The following PCDHGB6 variants were observed in gnomAD, a reference collection of about 807,000 sequenced individuals.
The protein encoded by PCDHGB6 is protocadherin gamma subfamily B, 6.
Under a neutral mutation model 59.1 loss-of-function variants are expected in PCDHGB6, and 51 were observed. The observed-to-expected ratio is 0.86, with a 90% CI of 0.69 to 1.09. The LOEUF is 1.09. Among genes scored for constraint, PCDHGB6 ranks in the 50% least tolerant of loss-of-function variants. PCDHGB6 has a pLI of 0.00. For missense variants in PCDHGB6, 1,148 were observed against 1,205.1 expected, an observed-to-expected ratio of 0.95 and a Z score of 0.70; for synonymous variants, 466 against 495.1, an observed-to-expected ratio of 0.94 and a Z score of 0.78.
chr5:141,422,833 C>T, intron 1 of PCDHGB6: 2 of 1,614,224 alleles, frequency 1.2e-6, no homozygotes, highest in East Asian at 2.2e-5. Context: ...AGTGATAGCA[C>T]GTGACAGCGG....
At chr5:141,417,950 GAGCCGATCCGCT>G (rs1361985861) in intron 1 of PCDHGB6, 1 of 1,613,484 alleles carries the variant, frequency 6.2e-7, no homozygotes, top group African/African-American at 1.3e-5. Context: ...CACGCTGTGT[GAGCCGATCCGCT>G]ACTCGATTCC....
Position 141,423,691 on chromosome 5 carries a change from T to C in PCDHGB6, c.2418+13071T>C. On this transcript the variant is annotated intron_variant, in intron 1 of 3. Coordinates refer to ENST00000520790, the MANE Select transcript of PCDHGB6 (RefSeq NM_018926.3). Reference sequence around the variant, plus strand: ...ATTTATTTCTCTGCCTCCTAATTGTTGGTGTCTTGGCACAAGTCTTTTAAG... The same window carrying C: ...ATTTATTTCTCTGCCTCCTAATTGTCGGTGTCTTGGCACAAGTCTTTTAAG... 5 of 1,506,830 alleles carry C rather than the reference T, an allele frequency of 3.3e-6. No individual in the cohort carries two copies. The South Asian group carries it at 6.9e-5, about 21-fold the overall frequency. 93.3% of individuals were successfully genotyped at this position (1,506,830 alleles called of 1,614,324 possible).
intron 1 of PCDHGB6, among the ~76,000 whole-genome samples, chr5:141,483,459 G>A (rs1214951485): frequency 6.6e-6 from 1 of 152,186 alleles, no homozygotes; most frequent in Non-Finnish European, 1.5e-5. Flanking sequence ...AGGACTTGTT[G>A]ATTGACATGA....
chr5:141,419,274 C>T lies in PCDHGB6; in HGVS notation c.2418+8654C>T, dbSNP rs755798236. 17 of 1,613,900 alleles carry T rather than the reference C, an allele frequency of 1.1e-5. No homozygotes were observed. Among genetic ancestry groups the T allele is most frequent in the African/African-American group, 1.3e-5 (1 of 74,948 alleles). ...AACAACCAGCCGGGTGCCTCCATAG[C>T]GCAAGTCAGTGCCTCTGACCCAGAC... is the stretch of plus-strand genomic sequence containing the variant. On this transcript the variant is annotated intron_variant, in intron 1 of 3. Transcript: ENST00000520790.
At chr5:141,443,312 C>T (rs1296976995) in intron 1 of PCDHGB6, among the ~76,000 whole-genome samples, 2 of 115,698 alleles carry the variant, frequency 1.7e-5, no homozygotes, top group Non-Finnish European at 3.3e-5. Flanking sequence ...AAAAACCCAT[C>T]TCTACAAAAA....
chr5:141,462,462 T>G (rs570804965), intron 1 of PCDHGB6, among the ~76,000 whole-genome samples: 1 of 152,346 alleles, frequency 6.6e-6, no homozygotes, highest in Middle Eastern at 3.4e-3. Flanking sequence ...CTGAAAACTG[T>G]GTATTCTGCT....
At position 141,431,108 on chromosome 5, in the gene PCDHGB6, T is replaced by C; in HGVS notation, c.2418+20488T>C. 1 of 1,614,180 alleles carries C rather than the reference T, an allele frequency of 6.2e-7. No homozygotes were observed. The highest frequency in any genetic ancestry group is 8.5e-7 in the Non-Finnish European group (1 of 1,180,032). On this transcript the variant is annotated intron_variant, in intron 1 of 3. Coordinates refer to ENST00000520790, the MANE Select transcript of PCDHGB6 (RefSeq NM_018926.3). This position sits in a 1 kb window ranked among gnomAD's most constrained non-coding sequence, Gnocchi z 4.8. ...TCTGATGGAGGATAAAGTGAAAATATATGGAGTAGAAGTAGAAGTAAGGGA... is the reference window on the plus strand; with the variant it reads ...TCTGATGGAGGATAAAGTGAAAATACATGGAGTAGAAGTAGAAGTAAGGGA...
intron 1 of PCDHGB6, among the ~76,000 whole-genome samples, chr5:141,430,380 TG>T (rs1376875091): frequency 6.8e-6 from 1 of 147,890 alleles, no homozygotes; most frequent in Non-Finnish European, 1.5e-5. Flanking sequence ...AAAAGCTCAT[TG>T]GGAAAAAAAA....
chr5:141,472,159 A>G (rs1020175900), intron 1 of PCDHGB6, among the ~76,000 whole-genome samples: 1 of 152,246 alleles, frequency 6.6e-6, no homozygotes, highest in Non-Finnish European at 1.5e-5. Context: ...TTACATAGCT[A>G]CTAGGTGTAA....
In PCDHGB6 at chr5:141,431,183, A is replaced by G. The variant is rs1467232519; in HGVS notation, c.2418+20563A>G. Reference sequence around the variant, plus strand: ...TCGTGAAAGTGAATTAGAAATAAAAATTAGTGAAAATGCAGCCACTGAGAT... The same window carrying G: ...TCGTGAAAGTGAATTAGAAATAAAAGTTAGTGAAAATGCAGCCACTGAGAT... On this transcript the variant is annotated intron_variant, in intron 1 of 3. Transcript: ENST00000520790. The surrounding 1 kb of genome is among the most constrained non-coding windows in gnomAD (Gnocchi z 4.8). 1 of 1,614,218 alleles carries G rather than the reference A, an allele frequency of 6.2e-7. No individual in the cohort carries two copies. The highest frequency in any genetic ancestry group is 2.2e-5 in the East Asian group (1 of 44,880).
Position 141,491,905 on chromosome 5 carries a change from G to A in PCDHGB6, c.2419-2902G>A. 7.1e-7 allele frequency: 1 copy of A among 1,418,328 alleles called. No individual in the cohort carries two copies. Among genetic ancestry groups the A allele is most frequent in the Non-Finnish European group, 9.3e-7 (1 of 1,069,952 alleles). 87.9% of individuals were successfully genotyped at this position (1,418,328 alleles called of 1,614,324 possible). ...GATGGGGCTCCGAGCACCGGGGGTG[G>A]TGGCGACTGTGGGCGAGGGGAGGTG... On this transcript the variant is annotated intron_variant, in intron 1 of 3. Transcript: ENST00000520790. This position sits in a 1 kb window ranked among gnomAD's most constrained non-coding sequence, Gnocchi z 6.9.
chr5:141,495,069 T>G (rs1179878936), intron 2 of PCDHGB6, among the ~76,000 whole-genome samples: 1 of 152,142 alleles, frequency 6.6e-6, no homozygotes, highest in African/African-American at 2.4e-5. Flanking sequence ...GGAAGCTCAA[T>G]TCACATGCTT....
intron 1 of PCDHGB6, among the ~76,000 whole-genome samples, chr5:141,468,131 C>A (rs1006565854): frequency 1.3e-5 from 2 of 151,650 alleles, no homozygotes; most frequent in South Asian, 4.2e-4. Context: ...TTGAGACCAG[C>A]CTGGCCAACA....
intron 1 of PCDHGB6, chr5:141,478,242 T>C (rs750487479): frequency 6.2e-7 from 1 of 1,614,156 alleles, no homozygotes; most frequent in Admixed American, 1.7e-5. Context: ...GTGGTCACAG[T>C]GTTCGGAGTA....
intron 1 of PCDHGB6, among the ~76,000 whole-genome samples, chr5:141,484,797 G>C (rs1228143036): frequency 6.6e-6 from 1 of 152,064 alleles, no homozygotes; most frequent in Non-Finnish European, 1.5e-5. Flanking sequence ...ATAACAACCC[G>C]TGGAAAAACA....
chr5:141,447,388 T>C (rs1302757515), intron 1 of PCDHGB6, among the ~76,000 whole-genome samples: 3 of 152,166 alleles, frequency 2.0e-5, no homozygotes, highest in African/African-American at 7.2e-5. Flanking sequence ...TCTGCCCACC[T>C]CGGCCTCCCA....
At chr5:141,488,738 ATGCAGGAAGT>A (rs771423337) in intron 1 of PCDHGB6, among the ~76,000 whole-genome samples, 1 of 152,222 alleles carries the variant, frequency 6.6e-6, no homozygotes, top group Non-Finnish European at 1.5e-5. Flanking sequence ...TTCTGAAGTC[ATGCAGGAAGT>A]TGCTGGGACA....
rs776348214 is a variant in PCDHGB6 at position 141,487,781 on chromosome 5, G to A, written c.2419-7026G>A. 108 of 1,526,850 alleles carry A rather than the reference G, an allele frequency of 7.1e-5. No individual in the cohort carries two copies. Among genetic ancestry groups the A allele is most frequent in the East Asian group, 3.7e-4 (15 of 40,622 alleles). 94.6% of individuals were successfully genotyped at this position (1,526,850 alleles called of 1,614,324 possible). On this transcript the variant is annotated intron_variant, in intron 1 of 3. Coordinates refer to ENST00000520790, the MANE Select transcript of PCDHGB6 (RefSeq NM_018926.3). This position sits in a 1 kb window ranked among gnomAD's most constrained non-coding sequence, Gnocchi z 5.0. ...AGACGCTGTGCTTTGTAACTGTTTC[G>A]TGAATTAACCAGAGTTGTCACAGTT... is the stretch of plus-strand genomic sequence containing the variant.
At chr5:141,428,147 G>A (rs771536400) in intron 1 of PCDHGB6, 2 of 1,589,610 alleles carry the variant, frequency 1.3e-6, no homozygotes, top group Admixed American at 1.7e-5. Context: ...GGCTGCACAC[G>A]GGAACCTGCT....
Sources: allele counts gnomAD v4.1 joint callset (sites outside exome capture counted in the v4.1 genomes callset), GRCh38; gene constraint gnomAD v4.1.1; non-coding constraint Gnocchi (gnomAD v3.1); transcripts MANE v1.5; gene names NCBI Gene and HGNC (gene_info 2026-07-23, HGNC 2026-07-21).